The following RIMS1 variants were observed in gnomAD, a reference collection of about 807,000 sequenced individuals.
RIMS1 encodes regulating synaptic membrane exocytosis 1, also known as regulating synaptic membrane exocytosis protein 1.
Under a neutral mutation model 214.1 loss-of-function variants are expected in RIMS1, and 83 were observed. The ratio of observed to expected loss-of-function variants is 0.39; its 90% CI spans 0.32 to 0.47. RIMS1 has a LOEUF of 0.47. RIMS1 is among the 20% of genes least tolerant of loss of function. The pLI, the probability that RIMS1 is intolerant of heterozygous loss-of-function variation, is 0.99. For synonymous variants in RIMS1, 793 were observed against 786.8 expected (o/e 1.01, Z -0.13); for missense variants, 2,050 against 2,161.8 (o/e 0.95, Z 1.03).
chr6:72,018,010 G>C (rs138272262), intron 2 of RIMS1, among the ~76,000 whole-genome samples: 2 of 152,286 alleles, frequency 1.3e-5, no homozygotes, highest in Non-Finnish European at 2.9e-5. Flanking sequence ...ATTCTGCTTT[G>C]TGTGAAGTAG....
chr6:72,232,897 A>C (rs2062549184), intron 6 of RIMS1, among the ~76,000 whole-genome samples: 1 of 151,874 alleles, frequency 6.6e-6, no homozygotes, highest in African/African-American at 2.4e-5. Flanking sequence ...CCAACAGTTG[A>C]TAGCTCATTA....
chr6:72,155,787 A>G (rs112245512), intron 4 of RIMS1, among the ~76,000 whole-genome samples: 2 of 140,408 alleles, frequency 1.4e-5, no homozygotes, highest in African/African-American at 4.9e-5. Context: ...CTCCCATGAC[A>G]TGTGGGAATT....
chr6:72,168,929 C>A (rs2046653991), intron 4 of RIMS1, among the ~76,000 whole-genome samples: 1 of 151,904 alleles, frequency 6.6e-6, no homozygotes, highest in East Asian at 1.9e-4. Flanking sequence ...AATTTTTGAT[C>A]AATATATTGG....
At chr6:72,141,230 G>T (rs1307859494) in intron 4 of RIMS1, among the ~76,000 whole-genome samples, 1 of 151,952 alleles carries the variant, frequency 6.6e-6, no homozygotes, top group Non-Finnish European at 1.5e-5. Flanking sequence ...AAACTGTATG[G>T]TCTATGAATA....
intron 29 of RIMS1, among the ~76,000 whole-genome samples, chr6:72,357,998 A>T (rs1040060654): frequency 6.8e-6 from 1 of 146,114 alleles, no homozygotes; most frequent in Non-Finnish European, 1.6e-5. Flanking sequence ...ACTTTCACAC[A>T]TTATACATTG....
At chr6:71,936,516 A>C (rs925620884) in intron 1 of RIMS1, among the ~76,000 whole-genome samples, 23 of 152,162 alleles carry the variant, frequency 1.5e-4, no homozygotes, top group Non-Finnish European at 2.6e-4. Flanking sequence ...ACAAAGCAGA[A>C]TGTTTAGTTC....
intron 6 of RIMS1, among the ~76,000 whole-genome samples, chr6:72,220,051 G>A (rs1297150706): frequency 1.3e-5 from 2 of 152,032 alleles, no homozygotes; most frequent in African/African-American, 4.8e-5. Flanking sequence ...GCTTTTTGAG[G>A]TGAGTTCCCT....
At chr6:72,172,066 T>A (rs968143868) in intron 4 of RIMS1, among the ~76,000 whole-genome samples, 1 of 151,892 alleles carries the variant, frequency 6.6e-6, no homozygotes, top group Non-Finnish European at 1.5e-5. Context: ...AAAAACTATA[T>A]CAAGGAGTTA....
chr6:72,238,982 T>C (rs1378690907), intron 9 of RIMS1, among the ~76,000 whole-genome samples: 1 of 152,140 alleles, frequency 6.6e-6, no homozygotes, highest in Non-Finnish European at 1.5e-5. Flanking sequence ...TTTTTCTCCA[T>C]TTGCTATACA....
intron 1 of RIMS1, among the ~76,000 whole-genome samples, chr6:71,890,812 A>G (rs1349581228): frequency 6.6e-6 from 1 of 152,136 alleles, no homozygotes. Flanking sequence ...AAGTATAAAT[A>G]TTTGGATTCT....
intron 28 of RIMS1, 45 bp downstream of exon 28, chr6:72,313,717 A>G: frequency 6.5e-7 from 1 of 1,529,876 alleles, no homozygotes; most frequent in Non-Finnish European, 8.8e-7. Context: ...TTTATCTGTG[A>G]TATAAAAATA....
intron 2 of RIMS1, among the ~76,000 whole-genome samples, chr6:72,085,225 A>G (rs1834359400): frequency 6.6e-6 from 1 of 152,152 alleles, no homozygotes; most frequent in South Asian, 2.1e-4. Context: ...ACGTTTTTAG[A>G]TACAAACTGA....
At chr6:72,017,557 G>T (rs1813176519) in intron 2 of RIMS1, among the ~76,000 whole-genome samples, 1 of 152,028 alleles carries the variant, frequency 6.6e-6, no homozygotes, top group Non-Finnish European at 1.5e-5. Context: ...GCATCACAAT[G>T]GTGGCATTTG....
At chr6:71,934,772 C>A (rs1262114338) in intron 1 of RIMS1, among the ~76,000 whole-genome samples, 2 of 152,142 alleles carry the variant, frequency 1.3e-5, no homozygotes, top group Non-Finnish European at 1.5e-5. Flanking sequence ...CAAATTCCTG[C>A]TGTTTAATAT....
chr6:71,896,952 A>G (rs1426661116), intron 1 of RIMS1, among the ~76,000 whole-genome samples: 2 of 152,138 alleles, frequency 1.3e-5, no homozygotes, highest in African/African-American at 4.8e-5. Context: ...ATTAGAATTT[A>G]CTACTAAATT....
intron 1 of RIMS1, among the ~76,000 whole-genome samples, chr6:71,948,135 T>C (rs752163765): frequency 2.0e-5 from 3 of 152,200 alleles, no homozygotes; most frequent in African/African-American, 4.8e-5. Context: ...GTGTATCTTA[T>C]ACACCATACA....
intron 29 of RIMS1, among the ~76,000 whole-genome samples, chr6:72,359,106 A>G (rs945473962): frequency 6.6e-6 from 1 of 152,252 alleles, no homozygotes; most frequent in Non-Finnish European, 1.5e-5. Context: ...AAAGGCCAAC[A>G]GAGCTGAGAG....
chr6:72,196,377 GTCTATCTA>G (rs3047577), intron 6 of RIMS1, among the ~76,000 whole-genome samples: 35,199 of 143,288 alleles, frequency 0.25, 4,499 homozygotes, highest in African/African-American at 0.31. Flanking sequence ...CTGTCTGTCT[GTCTATCTA>G]TCTATCTATC....
intron 11 of RIMS1, among the ~76,000 whole-genome samples, chr6:72,246,115 G>A (rs945125290): frequency 6.6e-6 from 1 of 152,014 alleles, no homozygotes; most frequent in African/African-American, 2.4e-5. Context: ...CATCATAACA[G>A]TCAGGACCCT....
Sources: allele counts gnomAD v4.1 joint callset (sites outside exome capture counted in the v4.1 genomes callset), GRCh38; gene constraint gnomAD v4.1.1; transcripts MANE v1.5; gene names NCBI Gene and HGNC (gene_info 2026-07-23, HGNC 2026-07-21).